Variants in LOXHD1 observed in about 807,000 individuals in gnomAD.
LOXHD1 encodes lipoxygenase homology domain-containing protein 1.
Under a neutral mutation model 248.2 loss-of-function variants are expected in LOXHD1, and 205 were observed. That is an observed-to-expected ratio of 0.83 (90% CI 0.74 to 0.93). LOXHD1 has a LOEUF of 0.93. Among genes scored for constraint, LOXHD1 ranks in the 40% least tolerant of loss-of-function variants. The pLI is 0.00. For synonymous variants in LOXHD1, 1,113 were observed against 1,162.8 expected (o/e 0.96, Z 0.87); for missense variants, 2,930 against 2,971.6 (o/e 0.99, Z 0.33).
At chr18:46,611,327 C>T (rs2038505624) in intron 5 of LOXHD1, among the ~76,000 whole-genome samples, 1 of 152,190 alleles carries the variant, frequency 6.6e-6, no homozygotes, top group African/African-American at 2.4e-5. Flanking sequence ...TTCTGGAAAA[C>T]AGTGCTGGTA....
intron 26 of LOXHD1, among the ~76,000 whole-genome samples, chr18:46,536,612 C>T (rs1234270441): frequency 6.6e-6 from 1 of 152,216 alleles, no homozygotes; most frequent in Non-Finnish European, 1.5e-5. Flanking sequence ...TGATCACAGC[C>T]TCAGCCGCTG....
intron 1 of LOXHD1, 58 bp downstream of exon 1, chr18:46,656,846 A>AC (rs1939727139): frequency 3.9e-6 from 6 of 1,532,478 alleles, no homozygotes; most frequent in Non-Finnish European, 5.3e-6. Context: ...ACAGGAACAG[A>AC]CCCCTGCCCA....
At chr18:46,578,673 C>T (rs1243865916) in intron 13 of LOXHD1, among the ~76,000 whole-genome samples, 1 of 152,202 alleles carries the variant, frequency 6.6e-6, no homozygotes, top group Admixed American at 6.5e-5. Context: ...GAAGTCGTGG[C>T]AGAGGAAGGA....
At chr18:46,582,979 A>G (rs945157076) in intron 12 of LOXHD1, among the ~76,000 whole-genome samples, 1 of 152,212 alleles carries the variant, frequency 6.6e-6, no homozygotes. Flanking sequence ...AAAAAGGAAG[A>G]CAGGAGTAGT....
intron 1 of LOXHD1, among the ~76,000 whole-genome samples, chr18:46,652,601 A>G (rs946494795): frequency 4.6e-5 from 7 of 152,216 alleles, no homozygotes; most frequent in Admixed American, 1.3e-4. Context: ...ACTCTCATAC[A>G]TGTAAATTGA....
intron 12 of LOXHD1, among the ~76,000 whole-genome samples, chr18:46,591,624 TC>T (rs2038169596): frequency 6.6e-6 from 1 of 152,076 alleles, no homozygotes; most frequent in Non-Finnish European, 1.5e-5. Flanking sequence ...AGAGGATATT[TC>T]CTTTCAAGGA....
chr18:46,585,501 T>C (rs1485906292), intron 12 of LOXHD1, among the ~76,000 whole-genome samples: 3 of 152,040 alleles, frequency 2.0e-5, no homozygotes, highest in Non-Finnish European at 2.9e-5. Context: ...GTGAAAAACA[T>C]ACACTCTGGA....
chr18:46,638,629 A>G (rs1184727174), intron 4 of LOXHD1, among the ~76,000 whole-genome samples: 1 of 152,224 alleles, frequency 6.6e-6, no homozygotes, highest in Non-Finnish European at 1.5e-5. Flanking sequence ...GTGAAACTCC[A>G]TCTCAAAAAT....
rs144427747 is a variant in LOXHD1 at position 46,545,533 on chromosome 18, C to T, written c.3515-112G>A. The stretch of plus-strand genomic sequence containing the variant: ...GCTTCCTTGATTCACTCCCTCTACC[C>T]CATCACTCCAATTTTTCTCTTGCCC... On this transcript the variant is annotated intron_variant, in intron 22 of 40. Coordinates refer to ENST00000642948, the MANE Select transcript of LOXHD1 (RefSeq NM_001384474.1). 605 of 743,964 alleles carry T rather than the reference C, an allele frequency of 8.1e-4. 1 individual carries two copies. The highest frequency in any genetic ancestry group is 1.2e-3 in the Non-Finnish European group (519 of 426,378). The allele number at this position is 743,964 out of a possible 1,614,324, so 46.1% of individuals were successfully genotyped here.
rs1401175099 is a variant in LOXHD1, at chr18:46,618,237, C to G, written c.565G>C (p.Asp189His). ...YTGDVIGAGT[D>H]ADVFINIFGE... ...AAAATATTGATGAAGACATCAGCAT[C>G]TGTCCCTGCACCAATTACATCACCA... The change falls in exon 5 of 41, where the codon GAT becomes CAT. Residue 189 changes from aspartate to histidine, a missense_variant. Asp to His is a moderately conservative substitution (Grantham distance 81, BLOSUM62 -1). Transcript: ENST00000642948. 6.4e-7 allele frequency: 1 copy of G among 1,551,536 alleles called. No individual in the cohort carries two copies. The highest frequency in any genetic ancestry group is 1.2e-5 in the South Asian group (1 of 84,054).
rs1336623338 is a variant in LOXHD1, at chr18:46,483,588, C to T, written c.6340G>A (p.Val2114Met). 2.3e-5 allele frequency: 36 copies of T among 1,551,476 alleles called. No individual in the cohort carries two copies. The highest frequency in any genetic ancestry group is 3.0e-5 in the Non-Finnish European group (34 of 1,146,972). The change falls in exon 40 of 41, where the codon GTG (valine) becomes ATG (methionine). Residue 2114 changes from valine to methionine, a missense_variant and splice_region_variant. By Grantham distance (21) the Val-to-Met change is conservative. Coordinates refer to ENST00000642948, the MANE Select transcript of LOXHD1 (RefSeq NM_001384474.1). ...ITITEMEYGN[V>M]YFFNCDCLIP... Reference sequence around the variant, plus strand: ...CTTGGGGAGAGGCTCAGTACATACACATTGCCGTACTCCATCTCGGTGATG... The same window carrying T: ...CTTGGGGAGAGGCTCAGTACATACATATTGCCGTACTCCATCTCGGTGATG...
chr18:46,566,166 G>T, intron 17 of LOXHD1, 91 bp downstream of exon 17: 1 of 1,391,466 alleles, frequency 7.2e-7, no homozygotes. Flanking sequence ...TTGTCAGCAA[G>T]ACCTGCTTTG....
intron 7 of LOXHD1, chr18:46,601,793 TAA>T (rs775167480): frequency 8.9e-6 from 3 of 336,706 alleles, no homozygotes; most frequent in Non-Finnish European, 1.7e-5. Context: ...TTATTAATGA[TAA>T]TTACCATGCG....
chr18:46,592,664 G>GCT, intron 10 of LOXHD1, 80 bp from the exon 11 acceptor site: 1 of 1,218,540 alleles, frequency 8.2e-7, no homozygotes, highest in Admixed American at 2.0e-5. Context: ...ACTCTCAGGA[G>GCT]GGTACCTGCT....
chr18:46,624,052 A>G (rs368989107), intron 4 of LOXHD1, among the ~76,000 whole-genome samples: 5 of 152,320 alleles, frequency 3.3e-5, no homozygotes, highest in South Asian at 4.1e-4. Context: ...TCATGAATGA[A>G]CTGGTGGAGT....
intron 37 of LOXHD1, among the ~76,000 whole-genome samples, chr18:46,490,722 G>T (rs967811006): frequency 1.3e-5 from 2 of 152,198 alleles, no homozygotes; most frequent in Non-Finnish European, 2.9e-5. Flanking sequence ...TGATCCACCC[G>T]CCTCAGCCTC....
At chr18:46,591,872 C>G (rs2038175182) in intron 12 of LOXHD1, 61 bp downstream of exon 12, 2 of 1,543,816 alleles carry the variant, frequency 1.3e-6, no homozygotes, top group African/African-American at 2.7e-5. Context: ...AGGTCAGGCC[C>G]ATCGGGACAC....
In LOXHD1 at chr18:46,520,450, A is replaced by G. The variant is rs954549584; in HGVS notation, c.5271+647T>C. The G allele has an allele frequency of 1.1e-5, 4 of 376,890 alleles. No individual in the cohort carries two copies. The Admixed American group carries it at 1.1e-4, about 10-fold the overall frequency. The allele number at this position is 376,890 out of a possible 1,614,324, so 23.3% of individuals were successfully genotyped here. A position where few individuals can be genotyped will look rare whatever the true frequency, so the allele number is the denominator to read the frequency against. ...TGAAACAGAGGCTTCTGGGCCACCAAATGGCTGTGTGTCCTCAGATCCTAG... is the reference window on the plus strand; with the variant it reads ...TGAAACAGAGGCTTCTGGGCCACCAGATGGCTGTGTGTCCTCAGATCCTAG... On this transcript the variant is annotated intron_variant, in intron 33 of 40. Transcript: ENST00000642948.
Position 46,611,312 on chromosome 18 carries a change from T to A in LOXHD1, c.611-388A>T, listed in dbSNP as rs764582990. Among the ~76,000 whole-genome samples, 29 of 152,234 alleles carry A rather than the reference T, an allele frequency of 1.9e-4. 1 individual carries two copies. Among genetic ancestry groups the A allele is most frequent in the Non-Finnish European group, 3.4e-4 (23 of 68,042 alleles). On this transcript the variant is annotated intron_variant, in intron 5 of 40. Coordinates refer to ENST00000642948, the MANE Select transcript of LOXHD1 (RefSeq NM_001384474.1). ...GCCTACAGACTTCCTTAGACCTGAC[T>A]CCTTTTCTGGAAAACAGTGCTGGTA...
Sources: allele counts gnomAD v4.1 joint callset (sites outside exome capture counted in the v4.1 genomes callset), GRCh38; gene constraint gnomAD v4.1.1; transcripts MANE v1.5; gene names NCBI Gene and HGNC (gene_info 2026-07-23, HGNC 2026-07-21).